The following UBL3 variants were observed in gnomAD, a reference collection of about 807,000 sequenced individuals.
UBL3 encodes the protein ubiquitin-like protein 3.
A neutral mutation model predicts 18.4 loss-of-function variants in UBL3; 6 were observed. That is an observed-to-expected ratio of 0.33 (90% CI 0.18 to 0.64). The LOEUF (loss-of-function observed/expected upper bound fraction) is 0.64. UBL3 is among the 30% of genes least tolerant of loss of function. The pLI is 0.76. For synonymous variants in UBL3, 49 were observed against 46.6 expected, an observed-to-expected ratio of 1.05 and a Z score of -0.21; for missense variants, 109 against 142.9, an observed-to-expected ratio of 0.76 and a Z score of 1.21.
intron 1 of UBL3, among the ~76,000 whole-genome samples, chr13:29,824,981 T>A (rs1203786768): frequency 1.3e-5 from 2 of 152,268 alleles, no homozygotes; most frequent in Non-Finnish European, 2.9e-5. Flanking sequence ...CCCCATTTCT[T>A]GCTTTTGTCA....
rs1878902626 is a variant in UBL3, at chr13:29,835,117, T to TATATAA, written c.27+14394_27+14395insTTATAT. Among the ~76,000 whole-genome samples, 4 of 22,760 alleles carry TATATAA rather than the reference T, an allele frequency of 1.8e-4. No homozygotes were observed. The African/African-American group carries it at 1.8e-3, about 10-fold the overall frequency. The allele number at this position is 22,760 out of a possible 152,430, so 14.9% of individuals were successfully genotyped here. On this transcript the variant is annotated intron_variant, in intron 1 of 4. Transcript: ENST00000380680. ...ATATATATATATATAAATATATATA[T>TATATAA]ATATATAAATATATATATATATATA...
At chr13:29,779,810 A>G (rs1877099515) in intron 1 of UBL3, among the ~76,000 whole-genome samples, 1 of 152,198 alleles carries the variant, frequency 6.6e-6, no homozygotes, top group Non-Finnish European at 1.5e-5. Flanking sequence ...GCATCTCCCC[A>G]AAATCTGTAT....
chr13:29,791,874 T>C (rs1877488341), intron 1 of UBL3, among the ~76,000 whole-genome samples: 1 of 152,206 alleles, frequency 6.6e-6, no homozygotes, highest in Non-Finnish European at 1.5e-5. Flanking sequence ...GTCCATATCC[T>C]ACCAACTCCC....
chr13:29,786,704 T>G (rs1877327808), intron 1 of UBL3, among the ~76,000 whole-genome samples: 1 of 152,228 alleles, frequency 6.6e-6, no homozygotes, highest in Non-Finnish European at 1.5e-5. Flanking sequence ...CTAGGGTACA[T>G]TTAGATATGC....
intron 1 of UBL3, among the ~76,000 whole-genome samples, chr13:29,787,460 T>A (rs1007499534): frequency 1.3e-5 from 2 of 152,350 alleles, no homozygotes; most frequent in Non-Finnish European, 2.9e-5. Context: ...ACTGACAGTA[T>A]GTTTTATTGA....
chr13:29,797,458 T>C (rs1244469500), intron 1 of UBL3, among the ~76,000 whole-genome samples: 1 of 152,160 alleles, frequency 6.6e-6, no homozygotes, highest in Non-Finnish European at 1.5e-5. Context: ...CGAAATACAA[T>C]CATTTACACC....
intron 1 of UBL3, among the ~76,000 whole-genome samples, chr13:29,813,953 A>G (rs1187268347): frequency 6.6e-6 from 1 of 152,168 alleles, no homozygotes; most frequent in Admixed American, 6.6e-5. Context: ...GATGTAATTA[A>G]TGAATATTAG....
At chr13:29,848,394 T>C (rs1387782724) in intron 1 of UBL3, among the ~76,000 whole-genome samples, 1 of 151,238 alleles carries the variant, frequency 6.6e-6, no homozygotes, top group African/African-American at 2.4e-5. Context: ...GAGGCAGAGG[T>C]TGCAGTGAGC....
At chr13:29,837,228 A>C (rs926087836) in intron 1 of UBL3, among the ~76,000 whole-genome samples, 1 of 152,202 alleles carries the variant, frequency 6.6e-6, no homozygotes, top group Non-Finnish European at 1.5e-5. Context: ...ATAATCAAAA[A>C]CAAAACAACA....
rs189502611 is a variant in UBL3 at position 29,765,070 on chromosome 13, T to C, written c.*2185A>G. 6.6e-6 allele frequency: 1 copy of C among 152,146 alleles called. No homozygotes were observed. Among genetic ancestry groups the C allele is most frequent in the Non-Finnish European group, 1.5e-5 (1 of 68,006 alleles). 9.4% of individuals were successfully genotyped at this position (152,146 alleles called of 1,614,324 possible). ...CTACTAGTGAACCAGTTTATTTCAC[T>C]TAGCAAACTCTAAATTGAGGGAAAT... On this transcript the variant is annotated 3_prime_UTR_variant, in exon 5 of 5. Coordinates refer to ENST00000380680, the MANE Select transcript of UBL3 (RefSeq NM_007106.4).
At chr13:29,845,134 G>A (rs1481072139) in intron 1 of UBL3, among the ~76,000 whole-genome samples, 1 of 152,082 alleles carries the variant, frequency 6.6e-6, no homozygotes, top group Non-Finnish European at 1.5e-5. Flanking sequence ...GATCACTGTG[G>A]CCTAAAATGA....
chr13:29,836,245 T>A (rs1326997720), intron 1 of UBL3, among the ~76,000 whole-genome samples: 3 of 152,038 alleles, frequency 2.0e-5, no homozygotes, highest in Non-Finnish European at 4.4e-5. Flanking sequence ...TGGCTGATGG[T>A]GCCATGGTAA....
At chr13:29,838,880 T>C (rs772181530) in intron 1 of UBL3, among the ~76,000 whole-genome samples, 3 of 152,074 alleles carry the variant, frequency 2.0e-5, no homozygotes, top group Admixed American at 6.6e-5. Context: ...CTTAAAGAGA[T>C]TCATCTTACG....
chr13:29,792,196 A>G (rs1191151522), intron 1 of UBL3, among the ~76,000 whole-genome samples: 2 of 152,252 alleles, frequency 1.3e-5, no homozygotes, highest in Non-Finnish European at 2.9e-5. Flanking sequence ...CATTACTAAA[A>G]TATTTCAAAG....
At chr13:29,801,754 C>T (rs1255263213) in intron 1 of UBL3, among the ~76,000 whole-genome samples, 2 of 152,176 alleles carry the variant, frequency 1.3e-5, no homozygotes, top group Non-Finnish European at 2.9e-5. Context: ...CCCGCAAAGT[C>T]CTCTTTCCCC....
chr13:29,835,097 T>TATAAATATAAATATAAATATATATATAA lies in UBL3; in HGVS notation c.27+14414_27+14415insTTATATATATATTTATATTTATATTTAT, dbSNP rs1878891465. On this transcript the variant is annotated intron_variant, in intron 1 of 4. Coordinates refer to ENST00000380680, the MANE Select transcript of UBL3 (RefSeq NM_007106.4). ...TAAAATATATAAATATAAATATATA[T>TATAAATATAAATATAAATATATATATAA]ATATATATAAATATATATATATATA... Among the ~76,000 whole-genome samples, 6 of 18,758 alleles carry TATAAATATAAATATAAATATATATATAA rather than the reference T, an allele frequency of 3.2e-4. 1 individual carries two copies. In the South Asian group the frequency reaches 9.6e-3, roughly 30 times the overall value. The allele number at this position is 18,758 out of a possible 152,430, so 12.3% of individuals were successfully genotyped here.
chr13:29,775,167 C>G (rs1205932868), intron 2 of UBL3, among the ~76,000 whole-genome samples: 1 of 152,162 alleles, frequency 6.6e-6, no homozygotes, highest in African/African-American at 2.4e-5. Context: ...AATACATCAT[C>G]TAGCACATTA....
At chr13:29,795,912 G>T (rs1877598186) in intron 1 of UBL3, among the ~76,000 whole-genome samples, 2 of 151,938 alleles carry the variant, frequency 1.3e-5, no homozygotes, top group Admixed American at 6.6e-5. Flanking sequence ...AGCCTGGGTG[G>T]CAGAGGAAGA....
At chr13:29,810,876 T>C (rs1371166034) in intron 1 of UBL3, among the ~76,000 whole-genome samples, 2 of 152,154 alleles carry the variant, frequency 1.3e-5, no homozygotes, top group African/African-American at 4.8e-5. Flanking sequence ...AATGTGGGAA[T>C]GTGTTCTTTT....
Sources: allele counts gnomAD v4.1 joint callset (sites outside exome capture counted in the v4.1 genomes callset), GRCh38; gene constraint gnomAD v4.1.1; transcripts MANE v1.5; gene names NCBI Gene and HGNC (gene_info 2026-07-23, HGNC 2026-07-21).